The following AGBL4 variants were observed in gnomAD, a reference collection of about 807,000 sequenced individuals.
AGBL4 encodes cytosolic carboxypeptidase 6.
A neutral mutation model predicts 66.4 loss-of-function variants in AGBL4; 58 were observed. That is an observed-to-expected ratio of 0.87 (90% CI 0.71 to 1.09). The LOEUF is 1.09. Ranked by LOEUF, AGBL4 falls within the 50% of genes least tolerant of loss-of-function variation. The pLI is 0.00. For synonymous variants in AGBL4, 234 were observed against 222.9 expected, an observed-to-expected ratio of 1.05 and a Z score of -0.44; for missense variants, 579 against 631.0, an observed-to-expected ratio of 0.92 and a Z score of 0.88.
intron 2 of AGBL4, among the ~76,000 whole-genome samples, chr1:49,834,495 A>T (rs895623034): frequency 1.5e-4 from 23 of 152,258 alleles, no homozygotes; most frequent in African/African-American, 5.5e-4. Flanking sequence ...TAGTCTGGCT[A>T]GATGTCTACC....
chr1:49,305,571 G>C (rs1007978172), intron 3 of AGBL4, among the ~76,000 whole-genome samples: 1 of 152,232 alleles, frequency 6.6e-6, no homozygotes, highest in East Asian at 1.9e-4. Context: ...AACCTATGTT[G>C]TTCAAGGTCA....
intron 3 of AGBL4, among the ~76,000 whole-genome samples, chr1:49,485,349 T>C (rs1647042968): frequency 6.7e-6 from 1 of 149,952 alleles, no homozygotes; most frequent in African/African-American, 2.5e-5. Context: ...CAGCAAACTA[T>C]CGCAAGGACA....
chr1:48,736,201 CAG>C lies in AGBL4; in HGVS notation c.635-72962_635-72961del. 1 of 1,576,620 alleles carries C rather than the reference CAG, an allele frequency of 6.3e-7. No individual in the cohort carries two copies. The highest frequency in any genetic ancestry group is 8.7e-7 in the Non-Finnish European group (1 of 1,146,210). ...AACACATTCTTGACAGAGTAAAAGA[CAG>C]AATCCCAGCCATTGTGTTTCCACTC... On this transcript the variant is annotated intron_variant, in intron 6 of 13. Coordinates refer to ENST00000371839, the MANE Select transcript of AGBL4 (RefSeq NM_032785.4). This position sits in a 1 kb window ranked among gnomAD's most constrained non-coding sequence, Gnocchi z 4.0.
chr1:48,653,124 T>TCCAGTGAG (rs1645958511), intron 8 of AGBL4, among the ~76,000 whole-genome samples: 1 of 152,134 alleles, frequency 6.6e-6, no homozygotes, highest in African/African-American at 2.4e-5. Flanking sequence ...CAGTGAGCTG[T>TCCAGTGAG]CTAGAAAAAC....
At chr1:48,875,779 C>A (rs965415824) in intron 5 of AGBL4, among the ~76,000 whole-genome samples, 2 of 152,170 alleles carry the variant, frequency 1.3e-5, no homozygotes, top group South Asian at 4.1e-4. Context: ...TTTGTATGTG[C>A]CAATCTTCAC....
At chr1:49,563,785 C>G (rs1292526882) in intron 3 of AGBL4, among the ~76,000 whole-genome samples, 1 of 151,956 alleles carries the variant, frequency 6.6e-6, no homozygotes, top group Non-Finnish European at 1.5e-5. Context: ...TTTGTTGTGT[C>G]TTTGCCCGGC....
At chr1:48,706,656 A>T (rs987883364) in intron 6 of AGBL4, among the ~76,000 whole-genome samples, 6 of 152,186 alleles carry the variant, frequency 3.9e-5, no homozygotes, top group African/African-American at 1.4e-4. Context: ...AAATGTAAAT[A>T]AAAAAAGTTA....
rs368724804 is a variant in AGBL4 at position 49,261,396 on chromosome 1, A to T, written c.283-15532T>A. 1.1e-3 allele frequency among the ~76,000 whole-genome samples: 175 copies of T among 152,300 alleles called. 2 individuals are homozygous for T. In the East Asian group the frequency reaches 0.02, roughly 17 times the overall value. ...CCCTGTTTGCAGACGACATGATTGT[A>T]TATCTAGAAGACCCCATTGGCTCAG... On this transcript the variant is annotated intron_variant, in intron 3 of 13. Coordinates refer to ENST00000371839, the MANE Select transcript of AGBL4 (RefSeq NM_032785.4).
rs921688346 is a variant in AGBL4 at position 49,868,722 on chromosome 1, G to T, written c.35-17204C>A. ...AGATTTCATGATGAAAACGTCAAAAGCAATTGCAACAAAAGCAAAAACTGA... is the reference window on the plus strand; with the variant it reads ...AGATTTCATGATGAAAACGTCAAAATCAATTGCAACAAAAGCAAAAACTGA... On this transcript the variant is annotated intron_variant, in intron 1 of 13. Coordinates refer to ENST00000371839, the MANE Select transcript of AGBL4 (RefSeq NM_032785.4). 2.0e-5 allele frequency among the ~76,000 whole-genome samples: 3 copies of T among 152,252 alleles called. No homozygotes were observed. In the East Asian group the frequency reaches 5.8e-4, roughly 29 times the overall value.
intron 1 of AGBL4, among the ~76,000 whole-genome samples, chr1:50,019,306 T>TCTCTCTCTCA (rs1167835143): frequency 1.2e-3 from 58 of 48,422 alleles, no homozygotes; most frequent in Admixed American, 3.2e-3. Flanking sequence ...TCTCTCTCTC[T>TCTCTCTCTCA]CACACACACA....
chr1:49,947,036 A>C (rs1319368184), intron 1 of AGBL4, among the ~76,000 whole-genome samples: 1 of 151,812 alleles, frequency 6.6e-6, no homozygotes, highest in African/African-American at 2.4e-5. Flanking sequence ...CAGACCAATA[A>C]CAAGCAGAGA....
chr1:49,406,073 T>G (rs1645190671), intron 3 of AGBL4, among the ~76,000 whole-genome samples: 1 of 152,210 alleles, frequency 6.6e-6, no homozygotes, highest in African/African-American at 2.4e-5. Context: ...ATGTATTCCC[T>G]AAAACGGGTC....
At chr1:49,503,964 A>T (rs1648441213) in intron 3 of AGBL4, among the ~76,000 whole-genome samples, 1 of 152,104 alleles carries the variant, frequency 6.6e-6, no homozygotes, top group African/African-American at 2.4e-5. Flanking sequence ...TGAGGACATG[A>T]GATTTGGGAA....
chr1:49,915,147 C>T (rs944085993), intron 1 of AGBL4, among the ~76,000 whole-genome samples: 1 of 152,120 alleles, frequency 6.6e-6, no homozygotes, highest in Non-Finnish European at 1.5e-5. Context: ...GCCTACAGCT[C>T]CCAGCGTGAG....
chr1:48,769,229 G>A (rs1481602832), intron 6 of AGBL4, among the ~76,000 whole-genome samples: 3 of 152,148 alleles, frequency 2.0e-5, no homozygotes, highest in Non-Finnish European at 4.4e-5. Flanking sequence ...GGGCATGTTT[G>A]AAGAAATGCC....
chr1:49,291,606 T>G (rs1644534649), intron 3 of AGBL4, among the ~76,000 whole-genome samples: 1 of 152,232 alleles, frequency 6.6e-6, no homozygotes, highest in African/African-American at 2.4e-5. Context: ...AAAACTAATC[T>G]GAGTTGATAG....
intron 2 of AGBL4, among the ~76,000 whole-genome samples, chr1:49,727,880 T>C (rs927550281): frequency 1.3e-5 from 2 of 152,140 alleles, no homozygotes; most frequent in Admixed American, 6.6e-5. Context: ...ATTATTATTA[T>C]ACCCATATTC....
chr1:49,236,136 T>C (rs1650722843), intron 4 of AGBL4, among the ~76,000 whole-genome samples: 1 of 152,028 alleles, frequency 6.6e-6, no homozygotes, highest in African/African-American at 2.4e-5. Context: ...AACAAGTGAT[T>C]CTTCTGCCTC....
intron 4 of AGBL4, among the ~76,000 whole-genome samples, chr1:49,157,808 A>G (rs903374814): frequency 1.3e-5 from 2 of 151,962 alleles, no homozygotes; most frequent in Non-Finnish European, 2.9e-5. Context: ...TGTGGTTTTG[A>G]TTTGCATTTC....
Sources: gnomAD v4.1 joint callset for allele counts (sites outside exome capture counted in the v4.1 genomes callset) on GRCh38, gnomAD v4.1.1 for gene constraint, Gnocchi (gnomAD v3.1) non-coding constraint, MANE v1.5 for transcripts, NCBI Gene and HGNC (gene_info 2026-07-23, HGNC 2026-07-21) for gene names.